Variants in SND1 observed in about 807,000 individuals in gnomAD.
The protein encoded by SND1 is staphylococcal nuclease domain-containing protein 1.
In SND1, 38 loss-of-function variants were observed where a neutral mutation model predicts 121.7. The observed-to-expected ratio is 0.31, with a 90% CI of 0.24 to 0.41. The LOEUF (loss-of-function observed/expected upper bound fraction) is 0.41, where lower values mean the gene tolerates loss of function less well. SND1 is among the 10% of genes least tolerant of loss of function. SND1 has a pLI of 1.00. For synonymous variants in SND1, 401 were observed against 447.4 expected (o/e 0.90, Z 1.31); for missense variants, 868 against 1,184.6 (o/e 0.73, Z 3.92).
At chr7:127,982,120 T>G (rs1256211015) in intron 15 of SND1, among the ~76,000 whole-genome samples, 1 of 152,196 alleles carries the variant, frequency 6.6e-6, no homozygotes, top group Non-Finnish European at 1.5e-5. Context: ...TATTATGACT[T>G]GTATCAGAAA....
At chr7:127,777,053 A>G (rs1471760462) in intron 10 of SND1, among the ~76,000 whole-genome samples, 2 of 152,202 alleles carry the variant, frequency 1.3e-5, no homozygotes, top group African/African-American at 4.8e-5. Context: ...GTTTTTAGTC[A>G]CTTGGGCCCT....
chr7:127,839,502 A>T (rs952842530), intron 11 of SND1, among the ~76,000 whole-genome samples: 1 of 152,098 alleles, frequency 6.6e-6, no homozygotes, highest in African/African-American at 2.4e-5. Context: ...TATCATCAGC[A>T]TCAGTCTGTG....
At chr7:127,991,674 C>T (rs1031734481) in intron 16 of SND1, among the ~76,000 whole-genome samples, 5 of 152,168 alleles carry the variant, frequency 3.3e-5, no homozygotes, top group Non-Finnish European at 5.9e-5. Context: ...GTGTGCTTGG[C>T]TCAGCCTTAG....
chr7:127,706,910 A>G (rs1456987659), intron 8 of SND1, among the ~76,000 whole-genome samples: 3 of 152,220 alleles, frequency 2.0e-5, no homozygotes, highest in Middle Eastern at 3.2e-3. Flanking sequence ...TTCACTGCAC[A>G]TGTATCCACT....
intron 10 of SND1, among the ~76,000 whole-genome samples, chr7:127,765,518 G>T (rs994093925): frequency 6.6e-6 from 1 of 152,186 alleles, no homozygotes; most frequent in Non-Finnish European, 1.5e-5. Context: ...GGTAAAACTT[G>T]ATACTAACAA....
chr7:127,908,362 G>GCGCA (rs143599096), intron 14 of SND1, among the ~76,000 whole-genome samples: 20 of 144,812 alleles, frequency 1.4e-4, no homozygotes, highest in African/African-American at 5.1e-4. Context: ...GTGTGTGTGC[G>GCGCA]TGCGTGTTGA....
At chr7:127,728,375 G>A (rs1240184585) in intron 10 of SND1, among the ~76,000 whole-genome samples, 1 of 151,952 alleles carries the variant, frequency 6.6e-6, no homozygotes, top group African/African-American at 2.4e-5. Flanking sequence ...AATCTTTCTA[G>A]TGCTGGTGTG....
At chr7:127,743,509 C>T (rs1175461007) in intron 10 of SND1, among the ~76,000 whole-genome samples, 2 of 152,180 alleles carry the variant, frequency 1.3e-5, no homozygotes, top group African/African-American at 4.8e-5. Context: ...TTAAAGGTCA[C>T]CACCCTCTCT....
chr7:127,839,993 TC>T (rs1798934796), intron 11 of SND1, among the ~76,000 whole-genome samples: 1 of 152,208 alleles, frequency 6.6e-6, no homozygotes, highest in Non-Finnish European at 1.5e-5. Flanking sequence ...CCTTCCCACT[TC>T]AAGGGTATCC....
chr7:127,904,738 C>A lies in SND1; in HGVS notation c.1455-9C>A. The A allele has an allele frequency of 6.3e-7, 1 of 1,593,546 alleles. No individual in the cohort carries two copies. The highest frequency in any genetic ancestry group is 8.6e-7 in the Non-Finnish European group (1 of 1,161,556). On this transcript the variant is annotated splice_polypyrimidine_tract_variant and intron_variant, in intron 13 of 23. Coordinates refer to ENST00000354725, the MANE Select transcript of SND1 (RefSeq NM_014390.4). ...TGTTTTAATCGGTTTTTCTCTTCTT[C>A]CTTAACAGAGCTATTAAGAATGGCA...
intron 12 of SND1, among the ~76,000 whole-genome samples, chr7:127,880,908 A>G (rs1211243317): frequency 5.3e-5 from 8 of 152,042 alleles, no homozygotes; most frequent in Non-Finnish European, 1.2e-4. Flanking sequence ...GGAATTTCCT[A>G]TTTGACTAAG....
intron 21 of SND1, 81 bp from the exon 22 acceptor site, chr7:128,089,404 ACTTT>A (rs1342121550): frequency 4.7e-5 from 64 of 1,364,100 alleles, no homozygotes; most frequent in Non-Finnish European, 6.4e-5. Context: ...TGCTGGCCAG[ACTTT>A]CTTGGGAGTC....
At chr7:127,731,785 G>C (rs1796680541) in intron 10 of SND1, among the ~76,000 whole-genome samples, 4 of 152,202 alleles carry the variant, frequency 2.6e-5, no homozygotes, top group Admixed American at 2.6e-4. Flanking sequence ...AAATCTAGCA[G>C]GTAGAGAACC....
chr7:127,657,009 G>A (rs940570390), intron 1 of SND1, among the ~76,000 whole-genome samples: 1 of 152,178 alleles, frequency 6.6e-6, no homozygotes, highest in Non-Finnish European at 1.5e-5. Flanking sequence ...AGTTTTTACT[G>A]TATCTTAAAG....
In SND1 at chr7:128,057,969, A is replaced by T. The variant is rs1293306660; in HGVS notation, c.1780-16533A>T. ...CATTTCCCTGCAGGTACTAAAAGTG[A>T]CCAGTGCTCAGGCTGGGGCTGGGCA... On this transcript the variant is annotated intron_variant, in intron 16 of 23. Coordinates refer to ENST00000354725, the MANE Select transcript of SND1 (RefSeq NM_014390.4). Among the ~76,000 whole-genome samples the T allele has an allele frequency of 2.0e-5, 3 of 152,222 alleles. No individual in the cohort carries two copies. In the East Asian group the frequency reaches 5.8e-4, roughly 29 times the overall value.
intron 12 of SND1, among the ~76,000 whole-genome samples, chr7:127,886,277 G>A (rs1262496595): frequency 1.3e-5 from 2 of 151,474 alleles, no homozygotes; most frequent in Admixed American, 6.6e-5. Flanking sequence ...TTTCCTCCTT[G>A]CTCTACCAAC....
At chr7:127,782,942 T>A (rs1313816160) in intron 10 of SND1, among the ~76,000 whole-genome samples, 1 of 152,216 alleles carries the variant, frequency 6.6e-6, no homozygotes, top group East Asian at 1.9e-4. Context: ...AAATAGGAAG[T>A]AGACCTATTG....
intron 16 of SND1, 35 bp downstream of exon 16, chr7:127,991,091 G>A (rs750633588): frequency 9.2e-6 from 14 of 1,523,608 alleles, no homozygotes; most frequent in Non-Finnish European, 1.2e-5. Flanking sequence ...TCTGTGAGGA[G>A]GGGTGACAAA....
At chr7:127,718,873 G>A in intron 9 of SND1, 1 of 454,650 alleles carries the variant, frequency 2.2e-6, no homozygotes, top group Non-Finnish European at 2.9e-6. Flanking sequence ...TATGTTTTTG[G>A]GAATTCACAA....
Sources: gnomAD v4.1 joint callset for allele counts (sites outside exome capture counted in the v4.1 genomes callset) on GRCh38, gnomAD v4.1.1 for gene constraint, MANE v1.5 for transcripts, NCBI Gene and HGNC (gene_info 2026-07-23, HGNC 2026-07-21) for gene names.